The following PIGN variants were observed in gnomAD, a reference collection of about 807,000 sequenced individuals.
PIGN encodes phosphatidylinositol glycan anchor biosynthesis class N, also known as GPI ethanolamine phosphate transferase 1.
PIGN carries 117 observed loss-of-function variants against 125.4 expected under a neutral mutation model. That is an observed-to-expected ratio of 0.93 (90% CI 0.80 to 1.09). PIGN has a LOEUF of 1.09. Ranked by LOEUF, PIGN falls within the 50% of genes least tolerant of loss-of-function variation. PIGN has a pLI of 0.00. For missense variants in PIGN, 1,075 were observed against 1,094.9 expected (o/e 0.98, Z 0.26); for synonymous variants, 392 against 377.8 (o/e 1.04, Z -0.44).
intron 22 of PIGN, 58 bp from the exon 23 acceptor site, chr18:62,096,008 C>T (rs1002807673): frequency 1.0e-5 from 12 of 1,150,724 alleles, no homozygotes; most frequent in South Asian, 6.6e-5. Context: ...AAAATGTTAG[C>T]GTAGGGCCGG....
At chr18:62,068,840 G>A (rs920213731) in intron 30 of PIGN, among the ~76,000 whole-genome samples, 1 of 152,100 alleles carries the variant, frequency 6.6e-6, no homozygotes, top group Non-Finnish European at 1.5e-5. Context: ...GTGACCCAAT[G>A]TACTCTTGTA....
intron 14 of PIGN, among the ~76,000 whole-genome samples, chr18:62,116,714 T>G (rs1015998742): frequency 2.0e-5 from 3 of 152,188 alleles, no homozygotes; most frequent in African/African-American, 4.8e-5. Flanking sequence ...ACAATAATAC[T>G]TAGCAAAGTG....
intron 23 of PIGN, among the ~76,000 whole-genome samples, chr18:62,034,142 C>A (rs1442760008): frequency 6.6e-6 from 1 of 152,202 alleles, no homozygotes. Flanking sequence ...AGAGGCAGGG[C>A]TCTAGCTTTG....
intron 14 of PIGN, among the ~76,000 whole-genome samples, chr18:62,120,685 A>C (rs1446804895): frequency 6.6e-6 from 1 of 152,094 alleles, no homozygotes; most frequent in Non-Finnish European, 1.5e-5. Context: ...CTTTAACATG[A>C]CCATGAAAAG....
intron 1 of PIGN, among the ~76,000 whole-genome samples, chr18:62,169,476 T>A (rs879179069): frequency 1.8e-5 from 1 of 55,614 alleles, no homozygotes; most frequent in Admixed American, 2.5e-4. Context: ...TTTTATTATT[T>A]TTTTTTTGAA....
chr18:62,040,539 A>G (rs2030340139), downstream of PIGN, among the ~76,000 whole-genome samples: 1 of 152,190 alleles, frequency 6.6e-6, no homozygotes, highest in African/African-American at 2.4e-5. Context: ...TCATGTATCC[A>G]GGGTACATAC....
chr18:62,061,102 G>A (rs1250827813), intron 30 of PIGN, among the ~76,000 whole-genome samples: 2 of 152,166 alleles, frequency 1.3e-5, no homozygotes, highest in African/African-American at 2.4e-5. Context: ...TGTAGTGTAT[G>A]CTTCCTGAGT....
intron 30 of PIGN, among the ~76,000 whole-genome samples, chr18:62,048,402 TA>T (rs2030917737): frequency 6.6e-6 from 1 of 151,982 alleles, no homozygotes; most frequent in Admixed American, 6.5e-5. Context: ...ATCAAATTAC[TA>T]AAAACTAAAA....
At chr18:62,021,971 TTAG>T (rs2030059164) in intron 23 of PIGN, among the ~76,000 whole-genome samples, 1 of 152,218 alleles carries the variant, frequency 6.6e-6, no homozygotes, top group Non-Finnish European at 1.5e-5. Flanking sequence ...GCCATTATTA[TTAG>T]TAGTAGCTAT....
intron 11 of PIGN, among the ~76,000 whole-genome samples, chr18:62,142,668 C>A (rs190525533): frequency 6.6e-6 from 1 of 152,270 alleles, no homozygotes; most frequent in Admixed American, 6.5e-5. Flanking sequence ...GATACTCCTG[C>A]CACTTTGGAA....
At chr18:62,146,933 T>G in intron 9 of PIGN, 38 bp downstream of exon 9, 1 of 1,593,712 alleles carries the variant, frequency 6.3e-7, no homozygotes, top group Non-Finnish European at 8.6e-7. Flanking sequence ...TATCACTACT[T>G]TAATTGTAAG....
chr18:62,127,679 T>A (rs1235661289), intron 14 of PIGN, among the ~76,000 whole-genome samples: 1 of 7,978 alleles, frequency 1.3e-4, no homozygotes, highest in East Asian at 0.01. Flanking sequence ...GTCTGGTTTT[T>A]TTGTGTGTTT....
At position 62,063,203 on chromosome 18, in the gene PIGN, CTTTATCCAAAATCTATGGTTTTATAGAT is replaced by C. The variant is rs1333645921; in HGVS notation, c.2672+9442_2672+9469del. Reference sequence around the variant, plus strand: ...CCCAAAGGCTATTTTCTAGAAATTTCTTTATCCAAAATCTATGGTTTTATAGATTTTATCCAAAATCTATGGTTTTATA... The same window carrying C: ...CCCAAAGGCTATTTTCTAGAAATTTCTTTATCCAAAATCTATGGTTTTATA... On this transcript the variant is annotated intron_variant, in intron 30 of 30. Transcript: ENST00000640252. Among the ~76,000 whole-genome samples the C allele has an allele frequency of 9.3e-3, 1,383 of 149,054 alleles. 1 individual carries two copies. The highest frequency in any genetic ancestry group is 0.042 in the East Asian group (208 of 4,956).
chr18:62,123,552 C>T (rs965649964), intron 14 of PIGN: 4 of 151,956 alleles, frequency 2.6e-5, no homozygotes, highest in African/African-American at 9.7e-5. Flanking sequence ...TTCCTAAAAT[C>T]AGGATGAAAA....
chr18:62,153,324 A>C (rs112768186), intron 7 of PIGN: 5 of 152,312 alleles, frequency 3.3e-5, no homozygotes, highest in African/African-American at 1.2e-4. Context: ...AACTTGGTTA[A>C]TATATATCTA....
At chr18:62,030,096 C>A (rs2030174815) in intron 23 of PIGN, among the ~76,000 whole-genome samples, 1 of 152,186 alleles carries the variant, frequency 6.6e-6, no homozygotes, top group East Asian at 1.9e-4. Context: ...ACAGCAGCTC[C>A]AGCCATCAGA....
In PIGN at chr18:62,138,236, G is replaced by A. The variant is rs1452924128; in HGVS notation, c.1172+7C>T. 1 of 1,543,572 alleles carries A rather than the reference G, an allele frequency of 6.5e-7. No individual in the cohort carries two copies. Among genetic ancestry groups the A allele is most frequent in the South Asian group, 1.2e-5 (1 of 80,946 alleles). On this transcript the variant is annotated splice_region_variant and intron_variant, in intron 14 of 30. Coordinates refer to ENST00000640252, the MANE Select transcript of PIGN (RefSeq NM_176787.5). ...TTCAAGTTAATAAAAAAATGTAAGG[G>A]ACTTACTTAAATGGTGTAAACAAAA... is the stretch of plus-strand genomic sequence containing the variant.
At chr18:62,181,515 A>T (rs1270470477) in intron 1 of PIGN, among the ~76,000 whole-genome samples, 2 of 152,140 alleles carry the variant, frequency 1.3e-5, no homozygotes, top group African/African-American at 2.4e-5. Flanking sequence ...GGGCTAAGTC[A>T]TCCTCCCACC....
rs370230272 is a variant in PIGN, at chr18:62,088,734, C to T, written c.2370+22G>A. 232 of 1,428,442 alleles carry T rather than the reference C, an allele frequency of 1.6e-4. 1 individual carries two copies. In the South Asian group the frequency reaches 2.8e-3, roughly 17 times the overall value. The allele number at this position is 1,428,442 out of a possible 1,614,324, so 88.5% of individuals were successfully genotyped here. On this transcript the variant is annotated intron_variant, in intron 25 of 30. Transcript: ENST00000640252. Reference sequence around the variant, plus strand: ...TAAGTGGGAGTTGCAGCTCTTTAAACCAAAGTCTCCACAAAGGATACAAGG... The same window carrying T: ...TAAGTGGGAGTTGCAGCTCTTTAAATCAAAGTCTCCACAAAGGATACAAGG...
Sources: allele counts gnomAD v4.1 joint callset (sites outside exome capture counted in the v4.1 genomes callset), GRCh38; gene constraint gnomAD v4.1.1; transcripts MANE v1.5; gene names NCBI Gene and HGNC (gene_info 2026-07-23, HGNC 2026-07-21).